Variants in RIMS2 observed in about 807,000 individuals in gnomAD.
RIMS2 encodes the protein regulating synaptic membrane exocytosis protein 2.
A neutral mutation model predicts 174.4 loss-of-function variants in RIMS2; 59 were observed. The ratio of observed to expected loss-of-function variants is 0.34; its 90% CI spans 0.27 to 0.42. The LOEUF (loss-of-function observed/expected upper bound fraction) is 0.42, where lower values mean the gene tolerates loss of function less well. Among genes scored for constraint, RIMS2 ranks in the 10% least tolerant of loss-of-function variants. The pLI is 1.00. For synonymous variants in RIMS2, 606 were observed against 572.5 expected (o/e 1.06, Z -0.84); for missense variants, 1,620 against 1,666.3 (o/e 0.97, Z 0.48).
chr8:104,021,371 CA>C (rs1199766324), intron 19 of RIMS2, among the ~76,000 whole-genome samples: 3 of 152,112 alleles, frequency 2.0e-5, no homozygotes, highest in African/African-American at 7.2e-5. Flanking sequence ...AACATCTCAA[CA>C]TGTTTTTACA....
chr8:103,680,968 A>T (rs551280300), intron 1 of RIMS2, among the ~76,000 whole-genome samples: 15 of 152,118 alleles, frequency 9.9e-5, no homozygotes, highest in Middle Eastern at 6.8e-3. Flanking sequence ...TTCTGCGTAA[A>T]TGCCCTAGGG....
intron 1 of RIMS2, among the ~76,000 whole-genome samples, chr8:103,602,932 A>G (rs919544558): frequency 1.3e-5 from 2 of 152,218 alleles, no homozygotes; most frequent in Admixed American, 6.5e-5. Flanking sequence ...CCAACAATGT[A>G]TAAGTGTTTC....
chr8:103,723,513 G>C (rs919162606), intron 2 of RIMS2, among the ~76,000 whole-genome samples: 1 of 152,174 alleles, frequency 6.6e-6, no homozygotes, highest in Non-Finnish European at 1.5e-5. Flanking sequence ...ACAGGGGCTG[G>C]CATGTTTCCA....
At chr8:103,717,310 A>T (rs1591001933) in intron 2 of RIMS2, among the ~76,000 whole-genome samples, 1 of 51,384 alleles carries the variant, frequency 1.9e-5, no homozygotes, top group Admixed American at 2.9e-4. Context: ...TTCTTTCCTT[A>T]AAAAAAAAAA....
chr8:103,652,682 A>G (rs1425834661), intron 1 of RIMS2: 1 of 1,350,636 alleles, frequency 7.4e-7, no homozygotes, highest in Non-Finnish European at 9.8e-7. Context: ...GCCCCAGCAA[A>G]AACAACAAAA....
At chr8:104,081,663 GAA>G (rs76335678) in intron 19 of RIMS2, among the ~76,000 whole-genome samples, 57 of 151,412 alleles carry the variant, frequency 3.8e-4, no homozygotes, top group African/African-American at 1.3e-3. Context: ...CAATAAAAGT[GAA>G]AAAAAAGTTT....
intron 3 of RIMS2, among the ~76,000 whole-genome samples, chr8:103,792,234 G>T (rs2098505953): frequency 6.6e-6 from 1 of 152,158 alleles, no homozygotes; most frequent in Admixed American, 6.5e-5. Flanking sequence ...TCAGACCACA[G>T]TGCAATCAAA....
chr8:104,164,785 A>G (rs2098786835), intron 19 of RIMS2, among the ~76,000 whole-genome samples: 1 of 152,172 alleles, frequency 6.6e-6, no homozygotes, highest in African/African-American at 2.4e-5. Context: ...GGAACAACAC[A>G]CACTGGGGTG....
chr8:103,913,362 A>G (rs1029746803), intron 6 of RIMS2, among the ~76,000 whole-genome samples: 15 of 151,846 alleles, frequency 9.9e-5, no homozygotes, highest in African/African-American at 3.4e-4. Flanking sequence ...GATTGCCAGG[A>G]GTTCGAGGTT....
At chr8:103,899,295 A>G (rs1004786248) in intron 4 of RIMS2, among the ~76,000 whole-genome samples, 2 of 151,824 alleles carry the variant, frequency 1.3e-5, no homozygotes, top group Non-Finnish European at 2.9e-5. Context: ...AGGAATCGCC[A>G]CACTGTCTTC....
At chr8:103,594,222 C>A (rs1030133537) in intron 1 of RIMS2, among the ~76,000 whole-genome samples, 4 of 151,458 alleles carry the variant, frequency 2.6e-5, no homozygotes, top group Non-Finnish European at 5.9e-5. Flanking sequence ...TAACAAATGT[C>A]CTTTTTGTGG....
chr8:103,663,620 A>G (rs2136157086), intron 1 of RIMS2, among the ~76,000 whole-genome samples: 1 of 152,340 alleles, frequency 6.6e-6, no homozygotes, highest in Admixed American at 6.5e-5. Context: ...CCACTGCTCA[A>G]CGAAATAAAA....
chr8:103,658,101 C>G (rs549599809), intron 1 of RIMS2, among the ~76,000 whole-genome samples: 2 of 152,112 alleles, frequency 1.3e-5, no homozygotes, highest in East Asian at 3.9e-4. Context: ...TAGGTTATAA[C>G]GTGAAGAAAA....
At chr8:103,861,058 T>C (rs2154499802) in intron 3 of RIMS2, among the ~76,000 whole-genome samples, 1 of 152,258 alleles carries the variant, frequency 6.6e-6, no homozygotes, top group East Asian at 1.9e-4. Context: ...TGGTGAGGTT[T>C]GGACTTCTTG....
chr8:103,806,073 G>C (rs971771811), intron 3 of RIMS2, among the ~76,000 whole-genome samples: 2 of 152,010 alleles, frequency 1.3e-5, no homozygotes, highest in Admixed American at 6.6e-5. Flanking sequence ...TAAAACCCCT[G>C]TCTGGAAAGT....
chr8:103,663,992 C>T (rs1016241481), intron 1 of RIMS2, among the ~76,000 whole-genome samples: 1 of 152,166 alleles, frequency 6.6e-6, no homozygotes, highest in Non-Finnish European at 1.5e-5. Flanking sequence ...CATCTACAAC[C>T]ATCTGATCTT....
intron 1 of RIMS2, among the ~76,000 whole-genome samples, chr8:103,522,244 G>T (rs541990843): frequency 6.6e-6 from 1 of 152,152 alleles, no homozygotes; most frequent in South Asian, 2.1e-4. Context: ...TTCAGTAAGG[G>T]TTTTACTGCA....
At chr8:104,022,469 C>T (rs1597285321) in intron 19 of RIMS2, among the ~76,000 whole-genome samples, 2 of 151,976 alleles carry the variant, frequency 1.3e-5, no homozygotes, top group South Asian at 4.2e-4. Context: ...TGCAACCTCC[C>T]CCTCCCGGCT....
chr8:104,172,381 G>C (rs944819366), intron 19 of RIMS2, among the ~76,000 whole-genome samples: 9 of 152,138 alleles, frequency 5.9e-5, no homozygotes, highest in Non-Finnish European at 2.9e-5. Context: ...CAAAAAAAAA[G>C]CTCTAGTTTT....
Sources: allele counts gnomAD v4.1 joint callset (sites outside exome capture counted in the v4.1 genomes callset), GRCh38; gene constraint gnomAD v4.1.1; transcripts MANE v1.5; gene names NCBI Gene and HGNC (gene_info 2026-07-23, HGNC 2026-07-21).